Variants in CHST8 observed in about 807,000 individuals in gnomAD.
The protein encoded by CHST8 is GALNAC-4-ST1.
CHST8 carries 10 observed loss-of-function variants against 15.0 expected under a neutral mutation model. The observed-to-expected ratio is 0.67, with a 90% CI of 0.41 to 1.13. The LOEUF (loss-of-function observed/expected upper bound fraction) is 1.13, where lower values mean the gene tolerates loss of function less well. Ranked by LOEUF, CHST8 falls within the 50% of genes most tolerant of loss-of-function variation. CHST8 has a pLI of 0.00. For missense variants in CHST8, 634 were observed against 608.2 expected (o/e 1.04, Z -0.45); for synonymous variants, 259 against 256.6 (o/e 1.01, Z -0.09).
At chr19:33,649,421 C>A (rs913832321) in intron 1 of CHST8, among the ~76,000 whole-genome samples, 1 of 152,144 alleles carries the variant, frequency 6.6e-6, no homozygotes, top group African/African-American at 2.4e-5. Context: ...AAGGGGTTCA[C>A]AACCTACAGG....
chr19:33,772,843 A>G lies in CHST8; in HGVS notation c.1055A>G (p.Glu352Gly). Reference sequence around the variant, plus strand: ...TTCGTAGGCAAGTTCGAGAGCATGGAGGACGATGCCAACTTCTTCCTGAGC... The same window carrying G: ...TTCGTAGGCAAGTTCGAGAGCATGGGGGACGATGCCAACTTCTTCCTGAGC... ...YDFVGKFESM[E>G]DDANFFLSLI... is the part of the protein sequence containing the mutation. The change falls in exon 5 of 5, where the codon GAG becomes GGG. Residue 352 changes from glutamate (E) to glycine (G), a missense_variant. Glu to Gly is a moderately conservative substitution (Grantham distance 98). Coordinates refer to ENST00000650847, the MANE Select transcript of CHST8 (RefSeq NM_001127895.2). The G allele has an allele frequency of 6.2e-7, 1 of 1,613,546 alleles. No individual in the cohort carries two copies. The highest frequency in any genetic ancestry group is 8.5e-7 in the Non-Finnish European group (1 of 1,180,032).
intron 2 of CHST8, among the ~76,000 whole-genome samples, chr19:33,670,436 C>A (rs1972722442): frequency 6.6e-6 from 1 of 152,214 alleles, no homozygotes; most frequent in African/African-American, 2.4e-5. Flanking sequence ...ACTCAGCAGA[C>A]ATGATTGAAA....
intron 3 of CHST8, among the ~76,000 whole-genome samples, chr19:33,742,063 C>CA (rs561908875): frequency 0.022 from 3,299 of 151,182 alleles, 53 homozygotes; most frequent in Non-Finnish European, 0.027. Context: ...ATGTAAATGT[C>CA]AAAAAAAAAT....
rs566001868 is a variant in CHST8 at position 33,660,628 on chromosome 19, G to A, written c.-163-7139G>A. Reference sequence around the variant, plus strand: ...TTTACAAATGCCACGGCAATGACCCGGAAGTTGCCGCCCCTTTCACATCAG... The same window carrying A: ...TTTACAAATGCCACGGCAATGACCCAGAAGTTGCCGCCCCTTTCACATCAG... On this transcript the variant is annotated intron_variant, in intron 1 of 4. Coordinates refer to ENST00000650847, the MANE Select transcript of CHST8 (RefSeq NM_001127895.2). Among the ~76,000 whole-genome samples, 90 of 152,306 alleles carry A rather than the reference G, an allele frequency of 5.9e-4. 1 individual carries two copies. Among genetic ancestry groups the A allele is most frequent in the African/African-American group, 2.1e-3 (86 of 41,564 alleles).
rs145331739 is a variant in CHST8 at position 33,693,211 on chromosome 19, G to A, written c.130+3820G>A. Among the ~76,000 whole-genome samples, 1,264 of 152,024 alleles carry A rather than the reference G, an allele frequency of 8.3e-3. 11 individuals carry two copies. Among genetic ancestry groups the A allele is most frequent in the African/African-American group, 0.028 (1,155 of 41,458 alleles). On this transcript the variant is annotated intron_variant, in intron 3 of 4. Coordinates refer to ENST00000650847, the MANE Select transcript of CHST8 (RefSeq NM_001127895.2). Reference sequence around the variant, plus strand: ...AGTAGAGACAGGGTTTCTCCATGTCGGTCAGGCTGATCTCGAATCCCCAAC... The same window carrying A: ...AGTAGAGACAGGGTTTCTCCATGTCAGTCAGGCTGATCTCGAATCCCCAAC...
intron 3 of CHST8, among the ~76,000 whole-genome samples, chr19:33,709,611 A>G (rs536804734): frequency 1.1e-4 from 17 of 151,270 alleles, no homozygotes; most frequent in Non-Finnish European, 2.5e-4. Flanking sequence ...AGTTTGCTCA[A>G]ATTTTGTTGT....
rs1010688453 is a variant in CHST8, at chr19:33,650,700, T to G, written c.-163-17067T>G. 8.3e-4 allele frequency among the ~76,000 whole-genome samples: 125 copies of G among 151,390 alleles called. 3 individuals carry two copies. The highest frequency in any genetic ancestry group is 9.9e-4 in the Admixed American group (15 of 15,144). On this transcript the variant is annotated intron_variant, in intron 1 of 4. Transcript: ENST00000650847. Reference sequence around the variant, plus strand: ...GCACCCGCCACCACACCTGGTTAATTTTTTTGCTTTTGTTTTTGTTTTATC... The same window carrying G: ...GCACCCGCCACCACACCTGGTTAATGTTTTTGCTTTTGTTTTTGTTTTATC...
At chr19:33,632,669 C>A (rs970462217) in intron 1 of CHST8, among the ~76,000 whole-genome samples, 3 of 152,114 alleles carry the variant, frequency 2.0e-5, no homozygotes, top group Admixed American at 6.5e-5. Flanking sequence ...CCAGAACCCC[C>A]CCATGACCTC....
chr19:33,660,399 G>C (rs894490405), intron 1 of CHST8, among the ~76,000 whole-genome samples: 1 of 152,280 alleles, frequency 6.6e-6, no homozygotes, highest in Admixed American at 6.5e-5. Context: ...GCCGTTCGTG[G>C]TGGGGGCAGA....
At chr19:33,640,478 T>G (rs1972269210) in intron 1 of CHST8, among the ~76,000 whole-genome samples, 1 of 152,158 alleles carries the variant, frequency 6.6e-6, no homozygotes, top group South Asian at 2.1e-4. Context: ...GACCTCTCAC[T>G]CACCTTTGGC....
intron 2 of CHST8, among the ~76,000 whole-genome samples, chr19:33,674,193 T>C (rs932221684): frequency 1.3e-5 from 2 of 152,192 alleles, no homozygotes; most frequent in African/African-American, 4.8e-5. Flanking sequence ...CCCCAGGAGC[T>C]CTGGCCCTGG....
At chr19:33,659,863 A>G (rs1972563938) in intron 1 of CHST8, among the ~76,000 whole-genome samples, 1 of 152,222 alleles carries the variant, frequency 6.6e-6, no homozygotes, top group Admixed American at 6.5e-5. Context: ...GAGATTTATC[A>G]AGTCCCCTTC....
chr19:33,666,682 T>TA (rs1398616743), intron 1 of CHST8, among the ~76,000 whole-genome samples: 3 of 152,058 alleles, frequency 2.0e-5, no homozygotes, highest in Non-Finnish European at 4.4e-5. Flanking sequence ...GAGTAGTTGT[T>TA]AAGTGGTATT....
intron 1 of CHST8, among the ~76,000 whole-genome samples, chr19:33,657,126 T>TAC (rs530334678): frequency 0.24 from 30,166 of 127,758 alleles, 3,474 homozygotes; most frequent in Non-Finnish European, 0.32. Flanking sequence ...TTTGCTTTAT[T>TAC]ACACACACAC....
chr19:33,626,783 CTTT>C (rs373066494), intron 1 of CHST8, among the ~76,000 whole-genome samples: 1 of 133,482 alleles, frequency 7.5e-6, no homozygotes, highest in South Asian at 2.4e-4. Context: ...TTTTTTTTTC[CTTT>C]TTTTTTTTTT....
chr19:33,672,816 C>G (rs73591036), intron 2 of CHST8, among the ~76,000 whole-genome samples: 15,660 of 152,134 alleles, frequency 0.1, 1,563 homozygotes, highest in African/African-American at 0.25. Context: ...ATCTCTCTGA[C>G]AGAGGAGAGG....
chr19:33,647,261 A>G (rs549893501), intron 1 of CHST8, among the ~76,000 whole-genome samples: 72 of 152,352 alleles, frequency 4.7e-4, no homozygotes, highest in African/African-American at 1.4e-3. Context: ...AAGCAAGGCA[A>G]GAAGGGACCA....
At chr19:33,654,486 C>T (rs1972485102) in intron 1 of CHST8, among the ~76,000 whole-genome samples, 1 of 152,056 alleles carries the variant, frequency 6.6e-6, no homozygotes, top group Non-Finnish European at 1.5e-5. Context: ...TAGCCCTGTG[C>T]TTCCTAGGTT....
intron 1 of CHST8, among the ~76,000 whole-genome samples, chr19:33,649,603 G>T (rs921761324): frequency 6.6e-6 from 1 of 152,126 alleles, no homozygotes; most frequent in Non-Finnish European, 1.5e-5. Context: ...GAACAAACAT[G>T]CACGTTACAT....
Sources: allele counts gnomAD v4.1 joint callset (sites outside exome capture counted in the v4.1 genomes callset), GRCh38; gene constraint gnomAD v4.1.1; transcripts MANE v1.5; gene names NCBI Gene and HGNC (gene_info 2026-07-23, HGNC 2026-07-21).